Variants in PDE8B observed in about 807,000 individuals in gnomAD.
PDE8B encodes phosphodiesterase 8B.
A neutral mutation model predicts 101.3 loss-of-function variants in PDE8B; 26 were observed. The observed-to-expected ratio is 0.26, with a 90% CI of 0.19 to 0.36. The LOEUF (loss-of-function observed/expected upper bound fraction) is 0.36. Among genes scored for constraint, PDE8B ranks in the 10% least tolerant of loss-of-function variants. PDE8B has a pLI of 1.00. For synonymous variants in PDE8B, 424 were observed against 429.3 expected, an observed-to-expected ratio of 0.99 and a Z score of 0.15; for missense variants, 810 against 1,163.1, an observed-to-expected ratio of 0.70 and a Z score of 4.42.
At chr5:77,339,644 C>T (rs1180184434) in intron 6 of PDE8B, among the ~76,000 whole-genome samples, 1 of 152,146 alleles carries the variant, frequency 6.6e-6, no homozygotes, top group Non-Finnish European at 1.5e-5. Context: ...AAATGAGGCT[C>T]TTTATTATAC....
chr5:77,424,819 G>GTTTTTTTTTT lies in PDE8B; in HGVS notation c.2419-942_2419-941insTTTTTTTTTT, dbSNP rs912849753. Among the ~76,000 whole-genome samples the GTTTTTTTTTT allele has an allele frequency of 3.1e-4, 34 of 110,046 alleles. 1 individual carries two copies. The highest frequency in any genetic ancestry group is 4.4e-3 in the Middle Eastern group (1 of 226). 72.2% of individuals were successfully genotyped at this position (110,046 alleles called of 152,430 possible). A position where few individuals can be genotyped will look rare whatever the true frequency, so the allele number is the denominator to read the frequency against. ...CAAGTGAAACTGGTTCTGTTTTTTT[G>GTTTTTTTTTT]TTTTTTGTTTTTTGTTTTTAATGTG... is the stretch of plus-strand genomic sequence containing the variant. On this transcript the variant is annotated intron_variant, in intron 20 of 21. Coordinates refer to ENST00000264917, the MANE Select transcript of PDE8B (RefSeq NM_003719.5).
intron 1 of PDE8B, among the ~76,000 whole-genome samples, chr5:77,305,720 G>A (rs1382032385): frequency 6.6e-6 from 1 of 152,208 alleles, no homozygotes; most frequent in Non-Finnish European, 1.5e-5. Context: ...AGTTTGGCCT[G>A]AGAATGGAGG....
the PDE8B span, among the ~76,000 whole-genome samples, chr5:77,092,973 CA>C: frequency 6.6e-6 from 1 of 152,172 alleles, no homozygotes; most frequent in African/African-American, 2.4e-5. Flanking sequence ...GTCTCAAAGA[CA>C]TGCAATTATG....
At chr5:77,423,803 A>T (rs1186119797) in intron 20 of PDE8B, among the ~76,000 whole-genome samples, 3 of 151,244 alleles carry the variant, frequency 2.0e-5, no homozygotes, top group South Asian at 2.1e-4. Flanking sequence ...TGCCCGGCTA[A>T]TTTTTTGTAT....
chr5:77,229,759 A>G (rs1379302230), intron 1 of PDE8B, among the ~76,000 whole-genome samples: 1 of 152,224 alleles, frequency 6.6e-6, no homozygotes, highest in Non-Finnish European at 1.5e-5. Context: ...TCATTGAAGT[A>G]TATATCAGTA....
At chr5:77,243,680 G>C (rs1164612185) in intron 1 of PDE8B, among the ~76,000 whole-genome samples, 1 of 150,250 alleles carries the variant, frequency 6.7e-6, no homozygotes, top group African/African-American at 2.5e-5. Context: ...TGAGTAGTTG[G>C]TTCCATTTTA....
At chr5:77,152,790 C>T in the PDE8B span, among the ~76,000 whole-genome samples, 1,037 of 152,210 alleles carry the variant, frequency 6.8e-3, 10 homozygotes, top group African/African-American at 0.021. Context: ...CCTCCGCAGC[C>T]GGACCTGGGA....
At chr5:77,097,707 C>CTATATCTATATATATATATA in the PDE8B span, among the ~76,000 whole-genome samples, 1 of 20,950 alleles carries the variant, frequency 4.8e-5, no homozygotes, top group African/African-American at 1.3e-4. Context: ...ATATATATAT[C>CTATATCTATATATATATATA]TATATATATA....
chr5:77,237,705 G>C (rs10213867), intron 1 of PDE8B, among the ~76,000 whole-genome samples: 79,702 of 152,032 alleles, frequency 0.52, 22,694 homozygotes, highest in East Asian at 0.83. Flanking sequence ...CATTCGTGAT[G>C]TTCCAAGTTT....
intron 5 of PDE8B, among the ~76,000 whole-genome samples, chr5:77,336,051 G>A (rs574786121): frequency 2.0e-5 from 3 of 152,238 alleles, no homozygotes; most frequent in East Asian, 1.9e-4. Flanking sequence ...TTAAACGCGG[G>A]ACTTGAGCAG....
At chr5:77,210,090 T>C (rs1216579471), upstream of PDE8B, among the ~76,000 whole-genome samples, 1 of 152,148 alleles carries the variant, frequency 6.6e-6, no homozygotes, top group African/African-American at 2.4e-5. The surrounding 1 kb of genome is among the most constrained non-coding windows in gnomAD (Gnocchi z 4.9). Context: ...GCCTGGGCTG[T>C]AGGGCCCCTG....
chr5:77,266,384 T>G (rs1294969406), intron 1 of PDE8B, among the ~76,000 whole-genome samples: 2 of 152,342 alleles, frequency 1.3e-5, no homozygotes, highest in East Asian at 3.9e-4. Flanking sequence ...TTTTGTGCTC[T>G]TCATTGGTGA....
intron 10 of PDE8B, among the ~76,000 whole-genome samples, chr5:77,387,722 T>C (rs996482830): frequency 1.3e-5 from 2 of 152,222 alleles, no homozygotes; most frequent in African/African-American, 4.8e-5. Context: ...CAGTCAAATG[T>C]AGGTTTGGTC....
At chr5:77,176,235 C>T in the PDE8B span, among the ~76,000 whole-genome samples, 8 of 152,136 alleles carry the variant, frequency 5.3e-5, no homozygotes, top group Non-Finnish European at 1.0e-4. Flanking sequence ...ACACGCAGCA[C>T]CGTAGGCAAA....
intron 10 of PDE8B, among the ~76,000 whole-genome samples, chr5:77,398,955 C>CAAA (rs1249232054): frequency 6.6e-6 from 1 of 152,154 alleles, no homozygotes; most frequent in Admixed American, 6.5e-5. Context: ...GCTGAGAGGC[C>CAAA]AAAGAAAGAG....
Position 77,337,310 on chromosome 5 carries a change from A to G in PDE8B, c.792A>G (p.Lys264=), listed in dbSNP as rs1778378608. The change falls in exon 6 of 22, where the codon AAA becomes AAG. Residue 264 remains lysine (K), a synonymous_variant. Coordinates refer to ENST00000264917, the MANE Select transcript of PDE8B (RefSeq NM_003719.5). ...ATGGGGAAGTTCGCTCCCAGTTCAA[A>G]TTACGGTATGTAGCAAAATGATACA... is the stretch of plus-strand genomic sequence containing the variant. ...IEHGEVRSQF[K]LRACNSVFTA... 4 of 1,530,314 alleles carry G rather than the reference A, an allele frequency of 2.6e-6. No homozygotes were observed. Among genetic ancestry groups the G allele is most frequent in the Non-Finnish European group, 3.6e-6 (4 of 1,106,220 alleles). The allele number at this position is 1,530,314 out of a possible 1,614,324, so 94.8% of individuals were successfully genotyped here.
chr5:77,122,834 A>G, the PDE8B span, among the ~76,000 whole-genome samples: 11 of 152,196 alleles, frequency 7.2e-5, no homozygotes, highest in Non-Finnish European at 1.6e-4. Context: ...AATGTAGGAA[A>G]AAAACTATTT....
At chr5:77,228,253 C>A (rs1382599768) in intron 1 of PDE8B, among the ~76,000 whole-genome samples, 1 of 152,120 alleles carries the variant, frequency 6.6e-6, no homozygotes, top group East Asian at 1.9e-4. Flanking sequence ...TCAAAGCCAG[C>A]AAGAGAGACA....
intron 1 of PDE8B, among the ~76,000 whole-genome samples, chr5:77,274,787 G>A (rs1348564496): frequency 6.6e-6 from 1 of 152,176 alleles, no homozygotes; most frequent in African/African-American, 2.4e-5. Context: ...TAAAATGTCA[G>A]TACTTTGGAA....
Sources: allele counts gnomAD v4.1 joint callset (sites outside exome capture counted in the v4.1 genomes callset), GRCh38; gene constraint gnomAD v4.1.1; non-coding constraint Gnocchi (gnomAD v3.1); transcripts MANE v1.5; gene names NCBI Gene and HGNC (gene_info 2026-07-23, HGNC 2026-07-21).